Variants in CEMIP observed in about 807,000 individuals in gnomAD.
CEMIP encodes cell migration-inducing and hyaluronan-binding protein.
In CEMIP, 105 loss-of-function variants were observed where a neutral mutation model predicts 156.9. That is an observed-to-expected ratio of 0.67 (90% CI 0.57 to 0.79). The LOEUF (loss-of-function observed/expected upper bound fraction) is 0.79, where lower values mean the gene tolerates loss of function less well. Among genes scored for constraint, CEMIP ranks in the 30% least tolerant of loss-of-function variants. The pLI, the probability that CEMIP is intolerant of heterozygous loss-of-function variation, is 0.00. For synonymous variants in CEMIP, 676 were observed against 668.4 expected, an observed-to-expected ratio of 1.01 and a Z score of -0.17; for missense variants, 1,457 against 1,769.4, an observed-to-expected ratio of 0.82 and a Z score of 3.17.
intron 10 of CEMIP, among the ~76,000 whole-genome samples, chr15:80,891,623 T>C (rs990843364): frequency 2.6e-5 from 4 of 152,208 alleles, no homozygotes; most frequent in Non-Finnish European, 4.4e-5. Context: ...ATAAGACCTT[T>C]GGCTTTTTCT....
chr15:80,801,329 C>T (rs1896372108), intron 1 of CEMIP, among the ~76,000 whole-genome samples: 1 of 152,182 alleles, frequency 6.6e-6, no homozygotes, highest in Non-Finnish European at 1.5e-5. Context: ...GCTGGCTGGT[C>T]TAGGATGGCC....
At chr15:80,817,194 C>A (rs1019634724) in intron 1 of CEMIP, among the ~76,000 whole-genome samples, 4 of 152,088 alleles carry the variant, frequency 2.6e-5, no homozygotes, top group African/African-American at 9.7e-5. Flanking sequence ...GTGGGACAGG[C>A]TGCCCTGGAA....
At position 80,853,787 on chromosome 15, in the gene CEMIP, G is replaced by A. The variant is rs138727385; in HGVS notation, c.-175-19751G>A. On this transcript the variant is annotated intron_variant, in intron 1 of 29. Coordinates refer to ENST00000394685, the MANE Select transcript of CEMIP (RefSeq NM_001293298.2). ...TAAGAAGGGCTGAATAAACATATAG[G>A]TTGAATGGCATAGAACAGACACTTT... is the stretch of plus-strand genomic sequence containing the variant. 3.2e-3 allele frequency among the ~76,000 whole-genome samples: 494 copies of A among 152,318 alleles called. 3 individuals carry two copies. Among genetic ancestry groups the A allele is most frequent in the African/African-American group, 0.011 (463 of 41,562 alleles).
intron 1 of CEMIP, among the ~76,000 whole-genome samples, chr15:80,830,596 G>C (rs981994995): frequency 2.6e-5 from 4 of 152,172 alleles, no homozygotes; most frequent in East Asian, 1.9e-4. Flanking sequence ...TGGAGTTGCC[G>C]GGGGATGAAC....
chr15:80,907,072 C>G (rs1176349520), intron 13 of CEMIP, among the ~76,000 whole-genome samples: 1 of 151,758 alleles, frequency 6.6e-6, no homozygotes, highest in Non-Finnish European at 1.5e-5. Flanking sequence ...CAACAAACAG[C>G]TCTCTGCTCT....
At chr15:80,819,061 C>G (rs1457644609) in intron 1 of CEMIP, among the ~76,000 whole-genome samples, 1 of 152,190 alleles carries the variant, frequency 6.6e-6, no homozygotes, top group Admixed American at 6.5e-5. Flanking sequence ...TTGGCTGTAC[C>G]AGGTAACACA....
At chr15:80,933,112 C>T (rs779401866) in intron 22 of CEMIP, 133 bp from the exon 23 acceptor site, 87 of 778,020 alleles carry the variant, frequency 1.1e-4, no homozygotes, top group Non-Finnish European at 1.8e-4. Context: ...TGGTTTCTCT[C>T]AGTGCCCGAG....
At chr15:80,871,756 G>C (rs1475083279) in intron 1 of CEMIP, among the ~76,000 whole-genome samples, 1 of 152,164 alleles carries the variant, frequency 6.6e-6, no homozygotes, top group East Asian at 1.9e-4. Context: ...CAGGGTTCTG[G>C]CTTTTCCATG....
chr15:80,791,756 T>C (rs1361488367), intron 1 of CEMIP, among the ~76,000 whole-genome samples: 1 of 152,188 alleles, frequency 6.6e-6, no homozygotes, highest in African/African-American at 2.4e-5. Context: ...TTTTCATAAT[T>C]CTTCATGAAT....
Position 80,942,327 on chromosome 15 carries a change from C to T in CEMIP, c.3689C>T (p.Ala1230Val). The T allele has an allele frequency of 1.2e-6, 2 of 1,613,516 alleles. No individual in the cohort carries two copies. The highest frequency in any genetic ancestry group is 1.7e-6 in the Non-Finnish European group (2 of 1,179,386). The change falls in exon 27 of 30, where the codon GCT becomes GTT. Residue 1230 changes from alanine to valine, a missense_variant. Physicochemically the swap from Ala to Val is moderately conservative, Grantham distance 64 (BLOSUM62 0). Around this residue, in one of 5 missense-constraint regions of CEMIP, gnomAD observed 798 missense variants for 980.1 expected, o/e 0.81. Transcript: ENST00000394685. ...TTCTTCCACCTCTGGAACGACTTCG[C>T]TTACATTGAAGTAAGTGCCTCTGGC... is the stretch of plus-strand genomic sequence containing the variant. Reference protein sequence around the residue: ...QHFFHLWNDFAYIEVDGKKYP... With the variant: ...QHFFHLWNDFVYIEVDGKKYP...
rs570448589 is a variant in CEMIP, at chr15:80,812,437, T to A, written c.-176+32823T>A. Among the ~76,000 whole-genome samples, 5 of 152,322 alleles carry A rather than the reference T, an allele frequency of 3.3e-5. No homozygotes were observed. In the South Asian group the frequency reaches 1.0e-3, roughly 32 times the overall value. On this transcript the variant is annotated intron_variant, in intron 1 of 29. Coordinates refer to ENST00000394685, the MANE Select transcript of CEMIP (RefSeq NM_001293298.2). ...GAGAGAGAGACTTGGATTCAAATCC[T>A]AGCTCCACCGTTAGTCATTTGCATG...
At chr15:80,895,385 A>T (rs1172227636) in intron 11 of CEMIP, among the ~76,000 whole-genome samples, 1 of 152,092 alleles carries the variant, frequency 6.6e-6, no homozygotes, top group Non-Finnish European at 1.5e-5. Flanking sequence ...CCCTGCAGAG[A>T]TGTGCAGTTC....
intron 1 of CEMIP, among the ~76,000 whole-genome samples, chr15:80,810,563 T>C (rs957507274): frequency 3.3e-5 from 5 of 152,178 alleles, no homozygotes; most frequent in African/African-American, 1.2e-4. Flanking sequence ...GAGATGGGCT[T>C]TCACCGTGGT....
intron 1 of CEMIP, among the ~76,000 whole-genome samples, chr15:80,830,018 A>G (rs28405322): frequency 0.33 from 47,078 of 141,876 alleles, 7,835 homozygotes; most frequent in African/African-American, 0.44. Context: ...ATGTCCTTCC[A>G]ATAAGCAACC....
chr15:80,916,322 T>C (rs941519886), intron 14 of CEMIP, among the ~76,000 whole-genome samples: 2 of 152,228 alleles, frequency 1.3e-5, no homozygotes, highest in Non-Finnish European at 2.9e-5. Flanking sequence ...CCCAGGAGTT[T>C]TCTCCTACAC....
At chr15:80,831,736 G>T (rs184902672) in intron 1 of CEMIP, among the ~76,000 whole-genome samples, 2 of 152,330 alleles carry the variant, frequency 1.3e-5, no homozygotes, top group East Asian at 1.9e-4. Flanking sequence ...GTCCAGAGGG[G>T]TTCATGCTGG....
In CEMIP at chr15:80,909,287, A is replaced by T; in HGVS notation, c.1778A>T (p.His593Leu). ...ACATTCTCTCGCTGCGTCACAGTCC[A>T]TGGCTCCAATGGCTTGTTGGTAAGA... ...HHTFSRCVTV[H>L]GSNGLLIKDV... is the part of the protein sequence containing the mutation. Residue 593 changes from histidine to leucine, a missense_variant, in exon 14 of 30, where the codon CAT becomes CTT. Coordinates refer to ENST00000394685, the MANE Select transcript of CEMIP (RefSeq NM_001293298.2). The T allele has an allele frequency of 6.2e-7, 1 of 1,614,056 alleles. No homozygotes were observed. The highest frequency in any genetic ancestry group is 1.1e-5 in the South Asian group (1 of 91,072).
In CEMIP at chr15:80,906,747, T is replaced by C. The variant is rs1272363901; in HGVS notation, c.1496T>C (p.Ile499Thr). 1.2e-6 allele frequency: 2 copies of C among 1,614,166 alleles called. No individual in the cohort carries two copies. Among genetic ancestry groups the C allele is most frequent in the Non-Finnish European group, 1.7e-6 (2 of 1,180,024 alleles). The stretch of plus-strand genomic sequence containing the variant: ...GTTGGGCTTCTGAGCCGGAACATCA[T>C]AGTGATGGGGGAGATGGAGGACAAA... The part of the protein sequence containing the change: ...AEVGLLSRNI[I>T]VMGEMEDKCY... The change falls in exon 13 of 30, where the codon ATA (isoleucine) becomes ACA (threonine). Residue 499 changes from isoleucine to threonine, a missense_variant. By Grantham distance (89) the Ile-to-Thr change is moderately conservative. Coordinates refer to ENST00000394685, the MANE Select transcript of CEMIP (RefSeq NM_001293298.2). The surrounding 1 kb of genome is among the most constrained non-coding windows in gnomAD (Gnocchi z 4.3).
At chr15:80,849,685 G>A (rs971082300) in intron 1 of CEMIP, among the ~76,000 whole-genome samples, 1 of 152,140 alleles carries the variant, frequency 6.6e-6, no homozygotes, top group African/African-American at 2.4e-5. Context: ...GAGAGAGAGA[G>A]AGAGTAAGCA....
Sources: gnomAD v4.1 joint callset for allele counts (sites outside exome capture counted in the v4.1 genomes callset) on GRCh38, gnomAD v4.1.1 for gene constraint, gnomAD v4.1.1 regional missense constraint, Gnocchi (gnomAD v3.1) non-coding constraint, MANE v1.5 for transcripts, NCBI Gene and HGNC (gene_info 2026-07-23, HGNC 2026-07-21) for gene names.